The following DAB1 variants were observed in gnomAD, a reference collection of about 807,000 sequenced individuals.
DAB1 encodes DAB adaptor protein 1, also known as disabled homolog 1.
Under a neutral mutation model 64.6 loss-of-function variants are expected in DAB1, and 15 were observed. The ratio of observed to expected loss-of-function variants is 0.23; its 90% CI spans 0.16 to 0.36. The LOEUF is 0.36. Among genes scored for constraint, DAB1 ranks in the 10% least tolerant of loss-of-function variants. The probability of loss-of-function intolerance (pLI) is 1.00; values close to 1 mark genes in which losing one functional copy is unlikely to be tolerated. For synonymous variants in DAB1, 235 were observed against 251.9 expected, an observed-to-expected ratio of 0.93 and a Z score of 0.64; for missense variants, 596 against 706.7, an observed-to-expected ratio of 0.84 and a Z score of 1.78.
intron 8 of DAB1, among the ~76,000 whole-genome samples, chr1:57,064,500 C>G (rs939894864): frequency 6.6e-6 from 1 of 152,056 alleles, no homozygotes; most frequent in African/African-American, 2.4e-5. Flanking sequence ...CTCAGTTGGC[C>G]CCATGTTGCA....
At chr1:57,361,775 C>T (rs1227054295) in intron 1 of DAB1, among the ~76,000 whole-genome samples, 1 of 152,104 alleles carries the variant, frequency 6.6e-6, no homozygotes, top group African/African-American at 2.4e-5. Flanking sequence ...GAGAACTAAA[C>T]AGAGCTGCAT....
chr1:58,037,404 C>A (rs1647061656), intron 5 of DAB1, among the ~76,000 whole-genome samples: 1 of 152,116 alleles, frequency 6.6e-6, no homozygotes, highest in African/African-American at 2.4e-5. Context: ...TAGTCTGTGG[C>A]CAGTTAGGAA....
intron 4 of DAB1, among the ~76,000 whole-genome samples, chr1:58,207,167 C>T (rs1205070509): frequency 6.6e-6 from 1 of 152,222 alleles, no homozygotes; most frequent in East Asian, 1.9e-4. Flanking sequence ...AGCCATCCTA[C>T]ATGAGTCAAG....
At chr1:57,258,296 A>G (rs1052541394) in intron 2 of DAB1, among the ~76,000 whole-genome samples, 5 of 152,198 alleles carry the variant, frequency 3.3e-5, no homozygotes, top group Non-Finnish European at 7.3e-5. Flanking sequence ...AAGGTCACAC[A>G]GTAAGAAGGA....
At chr1:58,033,398 C>T (rs146726953) in intron 5 of DAB1, among the ~76,000 whole-genome samples, 3 of 152,276 alleles carry the variant, frequency 2.0e-5, no homozygotes, top group Non-Finnish European at 4.4e-5. Context: ...TACAACTTCA[C>T]GGTTCCTTAT....
At chr1:57,657,914 G>T (rs773728181) in intron 6 of DAB1, among the ~76,000 whole-genome samples, 1 of 152,042 alleles carries the variant, frequency 6.6e-6, no homozygotes, top group Admixed American at 6.5e-5. Flanking sequence ...ATAAATCTTC[G>T]ACCCCTAGTA....
At chr1:57,747,175 T>G (rs1180042414) in intron 6 of DAB1, among the ~76,000 whole-genome samples, 3 of 152,214 alleles carry the variant, frequency 2.0e-5, no homozygotes, top group African/African-American at 7.2e-5. Flanking sequence ...GTTTGGTTTT[T>G]GACATTTAAG....
chr1:57,198,649 TCACACACACA>T (rs57872654), intron 2 of DAB1, among the ~76,000 whole-genome samples: 10 of 128,334 alleles, frequency 7.8e-5, no homozygotes, highest in South Asian at 2.6e-4. Flanking sequence ...CTTCTCTCTC[TCACACACACA>T]CACACACACA....
At chr1:57,287,778 T>TTTCTTTATTTA (rs1553164511) in intron 2 of DAB1, among the ~76,000 whole-genome samples, 2 of 144,102 alleles carry the variant, frequency 1.4e-5, no homozygotes, top group African/African-American at 5.2e-5. Context: ...TTTCTCTCTC[T>TTTCTTTATTTA]TTTATTTATT....
chr1:57,938,709 C>T (rs1414894354), intron 5 of DAB1, among the ~76,000 whole-genome samples: 2 of 135,954 alleles, frequency 1.5e-5, no homozygotes, highest in Non-Finnish European at 1.6e-5. Context: ...CAGACTAATA[C>T]ACCCTACAGT....
chr1:57,972,529 C>T (rs949430042), intron 5 of DAB1, among the ~76,000 whole-genome samples: 10 of 152,154 alleles, frequency 6.6e-5, no homozygotes, highest in Non-Finnish European at 1.0e-4. Flanking sequence ...TCCCATGAGT[C>T]GCCACACACC....
intron 5 of DAB1, among the ~76,000 whole-genome samples, chr1:58,068,956 C>T (rs542091037): frequency 1.3e-5 from 2 of 152,228 alleles, no homozygotes; most frequent in South Asian, 4.2e-4. Context: ...CTTCACGAGG[C>T]TTTCAGGGCT....
At chr1:58,172,886 G>T (rs1656255116) in intron 4 of DAB1, among the ~76,000 whole-genome samples, 1 of 152,230 alleles carries the variant, frequency 6.6e-6, no homozygotes, top group Non-Finnish European at 1.5e-5. Flanking sequence ...AATCCTACAT[G>T]CCCATGCTGC....
intron 1 of DAB1, among the ~76,000 whole-genome samples, chr1:57,395,332 T>G (rs1682718723): frequency 1.3e-5 from 2 of 152,154 alleles, no homozygotes; most frequent in African/African-American, 4.8e-5. Flanking sequence ...AGCCCTAATG[T>G]GTATGCTAAA....
At chr1:57,674,818 A>C (rs1646547295) in intron 6 of DAB1, among the ~76,000 whole-genome samples, 1 of 152,244 alleles carries the variant, frequency 6.6e-6, no homozygotes, top group Non-Finnish European at 1.5e-5. Flanking sequence ...AATAACTAAC[A>C]GATAATCAGC....
At chr1:57,266,203 A>G (rs1283580350) in intron 2 of DAB1, among the ~76,000 whole-genome samples, 2 of 152,222 alleles carry the variant, frequency 1.3e-5, no homozygotes, top group African/African-American at 4.8e-5. Context: ...CTCACCAAGT[A>G]TGTGATGTTG....
At chr1:58,079,731 C>T (rs914871257) in intron 5 of DAB1, among the ~76,000 whole-genome samples, 28 of 151,626 alleles carry the variant, frequency 1.8e-4, no homozygotes, top group Non-Finnish European at 3.4e-4. Context: ...ATCTTGGCCA[C>T]GTTGACCTTG....
intron 5 of DAB1, among the ~76,000 whole-genome samples, chr1:58,074,580 A>ATATATATATATATG (rs1649520572): frequency 8.1e-6 from 1 of 123,174 alleles, no homozygotes; most frequent in African/African-American, 2.9e-5. Context: ...ATATATATAT[A>ATATATATATATATG]TATATATATA....
At chr1:58,091,265 A>G (rs570968037) in intron 5 of DAB1, among the ~76,000 whole-genome samples, 148 of 152,286 alleles carry the variant, frequency 9.7e-4, no homozygotes, top group African/African-American at 3.4e-3. Context: ...CAAAAGATTC[A>G]GAGCCTATAA....
Sources: allele counts gnomAD v4.1 joint callset (sites outside exome capture counted in the v4.1 genomes callset), GRCh38; gene constraint gnomAD v4.1.1; transcripts MANE v1.5; gene names NCBI Gene and HGNC (gene_info 2026-07-23, HGNC 2026-07-21).